Variants in EFCAB7 observed in about 807,000 individuals in gnomAD.
The protein encoded by EFCAB7 is EF-hand calcium binding domain 7.
Under a neutral mutation model 77.1 loss-of-function variants are expected in EFCAB7, and 66 were observed. The ratio of observed to expected loss-of-function variants is 0.86; its 90% CI spans 0.70 to 1.05. EFCAB7 has a LOEUF of 1.05. Among genes scored for constraint, EFCAB7 ranks in the 50% least tolerant of loss-of-function variants. The pLI is 0.00. For missense variants in EFCAB7, 638 were observed against 730.5 expected, an observed-to-expected ratio of 0.87 and a Z score of 1.46; for synonymous variants, 225 against 243.3, an observed-to-expected ratio of 0.92 and a Z score of 0.70.
At chr1:63,583,807 G>GA in the EFCAB7 span, among the ~76,000 whole-genome samples, 1 of 152,030 alleles carries the variant, frequency 6.6e-6, no homozygotes, top group African/African-American at 2.4e-5. Context: ...TTATGCTACA[G>GA]AAAAAGCCAT....
At chr1:63,531,782 G>C in intron 2 of EFCAB7, 38 bp from the exon 3 acceptor site, 1 of 1,570,268 alleles carries the variant, frequency 6.4e-7, no homozygotes, top group Non-Finnish European at 8.7e-7. Context: ...CAAATTCCAG[G>C]TGTTACAATC....
At chr1:63,546,944 T>C (rs924727412) in intron 7 of EFCAB7, 3 of 152,202 alleles carry the variant, frequency 2.0e-5, no homozygotes, top group Non-Finnish European at 4.4e-5. Flanking sequence ...ATAAGGGTGA[T>C]TTCCCTAGAT....
intron 11 of EFCAB7, among the ~76,000 whole-genome samples, chr1:63,565,448 G>A (rs1422742359): frequency 6.6e-6 from 1 of 151,998 alleles, no homozygotes; most frequent in African/African-American, 2.4e-5. Context: ...GACAACCTAG[G>A]CAATACCATT....
At chr1:63,544,777 A>G (rs1425649487) in intron 6 of EFCAB7, among the ~76,000 whole-genome samples, 1 of 152,202 alleles carries the variant, frequency 6.6e-6, no homozygotes, top group Non-Finnish European at 1.5e-5. Flanking sequence ...TTGCTCTTAC[A>G]TTTAAAGTCA....
intron 11 of EFCAB7, 116 bp downstream of exon 11, chr1:63,561,973 T>C (rs1647107105): frequency 1.6e-6 from 1 of 608,610 alleles, no homozygotes. Flanking sequence ...AACTTTAGTA[T>C]ATGAATGAAT....
At chr1:63,525,414 C>T (rs1646571063) in intron 1 of EFCAB7, among the ~76,000 whole-genome samples, 158 bp from the exon 2 acceptor site, 2 of 152,148 alleles carry the variant, frequency 1.3e-5, no homozygotes, top group Non-Finnish European at 2.9e-5. Context: ...TTTACTTCCA[C>T]ATATAAAACT....
In EFCAB7 at chr1:63,568,329, A is replaced by G; in HGVS notation, c.1517A>G (p.Asp506Gly). The change falls in exon 12 of 14, where the codon GAT becomes GGT. Residue 506 changes from aspartate (D) to glycine (G), a missense_variant. Coordinates refer to ENST00000371088, the MANE Select transcript of EFCAB7 (RefSeq NM_032437.4). ...TATCAGGCATGTCCATTTGTCATTG[A>G]TATCTATGCAGAAAAATGCAAGCCA... is the stretch of plus-strand genomic sequence containing the variant. ...ELTEACPFVI[D>G]IYAEKCKPKI... The G allele has an allele frequency of 6.2e-7, 1 of 1,603,130 alleles. No individual in the cohort carries two copies. The highest frequency in any genetic ancestry group is 1.7e-5 in the Admixed American group (1 of 57,466).
chr1:63,572,488 A>G lies in EFCAB7; in HGVS notation c.1862A>G (p.Tyr621Cys), dbSNP rs1317184969. 6.5e-7 allele frequency: 1 copy of G among 1,542,018 alleles called. No homozygotes were observed. Among genetic ancestry groups the G allele is most frequent in the Non-Finnish European group, 8.8e-7 (1 of 1,137,824 alleles). The change falls in exon 14 of 14, where the codon TAT becomes TGT. Residue 621 changes from tyrosine (Y) to cysteine (C), a missense_variant. Coordinates refer to ENST00000371088, the MANE Select transcript of EFCAB7 (RefSeq NM_032437.4). ...TTGAATGAACGACAAGAATGGATAT[A>G]TTATTGTATATATTCTCTTATTTCT... Reference protein sequence around the residue: ...MPLNERQEWIYYCIYSLIS With the variant: ...MPLNERQEWICYCIYSLIS
intron 6 of EFCAB7, among the ~76,000 whole-genome samples, chr1:63,538,449 T>C (rs1331136532): frequency 1.3e-5 from 2 of 152,042 alleles, no homozygotes; most frequent in African/African-American, 2.4e-5. Context: ...AAGGGTATTT[T>C]TTTTTCTTTT....
intron 2 of EFCAB7, among the ~76,000 whole-genome samples, chr1:63,528,821 T>G (rs2474469): frequency 6.6e-6 from 1 of 152,018 alleles, no homozygotes; most frequent in Non-Finnish European, 1.5e-5. Flanking sequence ...TGTGTAAATG[T>G]GTTCTGTATA....
At chr1:63,542,001 CTAAGT>C (rs1301603651) in intron 6 of EFCAB7, among the ~76,000 whole-genome samples, 2 of 152,132 alleles carry the variant, frequency 1.3e-5, no homozygotes, top group Non-Finnish European at 2.9e-5. Flanking sequence ...TTCTGTATCA[CTAAGT>C]ACATTCACAC....
chr1:63,531,932 A>T lies in EFCAB7; in HGVS notation c.300A>T (p.Lys100Asn), dbSNP rs1292308814. The T allele has an allele frequency of 6.2e-7, 1 of 1,613,154 alleles. No homozygotes were observed. Among genetic ancestry groups the T allele is most frequent in the Non-Finnish European group, 8.5e-7 (1 of 1,179,398 alleles). ...TTTGTATAATTTTAAGGAAGGAAAA[A>T]CCTACTTCAAAAGCAGAACTACTAA... ...DDFCIILRKE[K>N]PTSKAELLKS... Residue 100 changes from lysine (K) to asparagine (N), a missense_variant, in exon 3 of 14, where the codon AAA becomes AAT. Lys to Asn is a moderately conservative substitution (Grantham distance 94). Coordinates refer to ENST00000371088, the MANE Select transcript of EFCAB7 (RefSeq NM_032437.4).
intron 9 of EFCAB7, among the ~76,000 whole-genome samples, chr1:63,556,873 CAAA>C (rs35065020): frequency 8.1e-6 from 1 of 123,860 alleles, no homozygotes. Context: ...ACTAAAAATA[CAAA>C]AAAAAAAAAA....
chr1:63,557,566 C>A (rs1052582615), intron 10 of EFCAB7, among the ~76,000 whole-genome samples: 4 of 152,132 alleles, frequency 2.6e-5, no homozygotes, highest in Non-Finnish European at 5.9e-5. Context: ...GGTCAAGAAC[C>A]ACAAACTGTG....
chr1:63,523,569 G>T lies in EFCAB7; in HGVS notation c.-67G>T. ...GAAAGGCCGAGATCTGTCCAGCTGC[G>T]GTGAGAGGAACGCTGAATCGCCGAA... On this transcript the variant is annotated 5_prime_UTR_variant, in exon 1 of 14. Transcript: ENST00000371088. The T allele has an allele frequency of 5.2e-6, 1 of 192,192 alleles. No homozygotes were observed. The highest frequency in any genetic ancestry group is 1.1e-5 in the Non-Finnish European group (1 of 90,250). 11.9% of individuals were successfully genotyped at this position (192,192 alleles called of 1,614,324 possible).
At chr1:63,539,124 G>C (rs1646798664) in intron 6 of EFCAB7, among the ~76,000 whole-genome samples, 1 of 152,114 alleles carries the variant, frequency 6.6e-6, no homozygotes, top group African/African-American at 2.4e-5. Flanking sequence ...ATTTTATAAA[G>C]CTATGTCCTG....
intron 2 of EFCAB7, among the ~76,000 whole-genome samples, chr1:63,527,306 C>T (rs1267982046): frequency 1.3e-5 from 2 of 152,100 alleles, no homozygotes; most frequent in Non-Finnish European, 2.9e-5. Flanking sequence ...GTTATATACA[C>T]TTTTGGTTTT....
chr1:63,572,378 T>TA, intron 13 of EFCAB7, 64 bp from the exon 14 acceptor site: 1 of 1,377,028 alleles, frequency 7.3e-7, no homozygotes, highest in East Asian at 2.4e-5. Context: ...TTGTCCTGTT[T>TA]AAAAATTAGC....
chr1:63,561,783 C>G lies in EFCAB7; in HGVS notation c.1423C>G (p.Arg475Gly), dbSNP rs144850202. ...TTTGAATCTAATGGAAGCTAATGAT[C>G]GAGAAGGAGATCCTTGTGACCTTTG... ...MDLNLMEAND[R>G]EGDPCDLWVT... is the part of the protein sequence containing the mutation. The change falls in exon 11 of 14, where the codon CGA becomes GGA. Residue 475 changes from arginine to glycine, a missense_variant. Coordinates refer to ENST00000371088, the MANE Select transcript of EFCAB7 (RefSeq NM_032437.4). 8.0e-4 allele frequency: 1,284 copies of G among 1,608,532 alleles called. 2 individuals carry two copies. Among genetic ancestry groups the G allele is most frequent in the Non-Finnish European group, 9.8e-4 (1,158 of 1,176,314 alleles).
Sources: allele counts gnomAD v4.1 joint callset (sites outside exome capture counted in the v4.1 genomes callset), GRCh38; gene constraint gnomAD v4.1.1; transcripts MANE v1.5; gene names NCBI Gene and HGNC (gene_info 2026-07-23, HGNC 2026-07-21).